Variants in FOXP1 observed in about 807,000 individuals in gnomAD.
FOXP1 encodes forkhead box protein P1.
In FOXP1, 15 loss-of-function variants were observed where a neutral mutation model predicts 98.2. The ratio of observed to expected loss-of-function variants is 0.15; its 90% CI spans 0.10 to 0.24. FOXP1 has a LOEUF of 0.24. Among genes scored for constraint, FOXP1 ranks in the 10% least tolerant of loss-of-function variants. The pLI is 1.00. For synonymous variants in FOXP1, 371 were observed against 314.5 expected, an observed-to-expected ratio of 1.18 and a Z score of -1.90; for missense variants, 633 against 848.5, an observed-to-expected ratio of 0.75 and a Z score of 3.15.
intron 20 of FOXP1, among the ~76,000 whole-genome samples, chr3:70,963,420 G>A (rs932782355): frequency 3.3e-5 from 5 of 152,170 alleles, no homozygotes; most frequent in African/African-American, 1.2e-4. Flanking sequence ...GGGATTCCAC[G>A]AAAGATACAT....
At chr3:71,088,229 A>G (rs548760609) in intron 7 of FOXP1, among the ~76,000 whole-genome samples, 1 of 152,324 alleles carries the variant, frequency 6.6e-6, no homozygotes, top group Non-Finnish European at 1.5e-5. Context: ...CGCAAGACTC[A>G]GTCCCTCACT....
chr3:71,196,463 G>C (rs2108368514), intron 6 of FOXP1, among the ~76,000 whole-genome samples: 1 of 151,840 alleles, frequency 6.6e-6, no homozygotes, highest in East Asian at 1.9e-4. Flanking sequence ...ATGATTTTTA[G>C]CTCCTCAAAA....
chr3:71,391,174 A>G (rs1484284546), intron 3 of FOXP1, among the ~76,000 whole-genome samples: 1 of 152,186 alleles, frequency 6.6e-6, no homozygotes, highest in East Asian at 1.9e-4. Context: ...CATATTTCCA[A>G]TTCTAGATTG....
intron 4 of FOXP1, among the ~76,000 whole-genome samples, chr3:71,306,631 C>CAAAA (rs66479255): frequency 7.0e-5 from 3 of 42,828 alleles, no homozygotes; most frequent in African/African-American, 2.6e-4. Context: ...GAGAATAAGC[C>CAAAA]AAAAAAAAAA....
chr3:71,128,628 T>C (rs546726610), intron 6 of FOXP1, among the ~76,000 whole-genome samples: 1 of 152,294 alleles, frequency 6.6e-6, no homozygotes, highest in Admixed American at 6.5e-5. Flanking sequence ...CATCAGAATA[T>C]AGCCTTCGAC....
At chr3:71,510,015 C>A (rs1354077502) in intron 2 of FOXP1, among the ~76,000 whole-genome samples, 2 of 152,140 alleles carry the variant, frequency 1.3e-5, no homozygotes, top group East Asian at 3.9e-4. Flanking sequence ...CCCATCTCTA[C>A]TAAAAATACA....
chr3:71,514,681 T>C (rs201940184), intron 2 of FOXP1, among the ~76,000 whole-genome samples: 2 of 152,192 alleles, frequency 1.3e-5, no homozygotes, highest in East Asian at 3.8e-4. Flanking sequence ...TTCTCCTTCA[T>C]ACAAGTTGAA....
chr3:71,303,717 A>G (rs1019268972), intron 4 of FOXP1, among the ~76,000 whole-genome samples: 10 of 152,112 alleles, frequency 6.6e-5, no homozygotes, highest in Admixed American at 2.6e-4. Flanking sequence ...GACTTCAAAT[A>G]CTGAGTAAGA....
intron 5 of FOXP1, among the ~76,000 whole-genome samples, chr3:71,227,134 C>T (rs757347178): frequency 1.3e-5 from 2 of 152,172 alleles, no homozygotes; most frequent in African/African-American, 2.4e-5. Flanking sequence ...TCAGAGCCCA[C>T]TGCAGTCCCC....
chr3:71,243,690 A>G (rs937365226), intron 5 of FOXP1, among the ~76,000 whole-genome samples: 1 of 152,244 alleles, frequency 6.6e-6, no homozygotes, highest in African/African-American at 2.4e-5. Context: ...GTTGCCAAAC[A>G]TATTTATTAT....
chr3:71,169,999 G>C (rs2061571447), intron 6 of FOXP1, among the ~76,000 whole-genome samples: 1 of 152,090 alleles, frequency 6.6e-6, no homozygotes, highest in African/African-American at 2.4e-5. Flanking sequence ...TCACGAGATA[G>C]GCCCCATTTC....
intron 7 of FOXP1, among the ~76,000 whole-genome samples, chr3:71,074,601 C>G (rs528511412): frequency 3.3e-5 from 5 of 152,076 alleles, no homozygotes; most frequent in Non-Finnish European, 5.9e-5. Flanking sequence ...CAAAACAAGG[C>G]TTCTAATCCC....
chr3:71,561,244 C>T (rs972314535), intron 2 of FOXP1, among the ~76,000 whole-genome samples: 8 of 151,894 alleles, frequency 5.3e-5, no homozygotes, highest in Admixed American at 3.3e-4. Context: ...TTAGTAGAGA[C>T]GGGATTTCAC....
chr3:71,378,357 T>C (rs141438419), intron 3 of FOXP1, among the ~76,000 whole-genome samples: 2 of 147,668 alleles, frequency 1.4e-5, no homozygotes, highest in East Asian at 1.9e-4. Flanking sequence ...CCACGGGTTG[T>C]GCTTTCCAGG....
At chr3:71,114,872 C>T (rs2058237344) in intron 6 of FOXP1, among the ~76,000 whole-genome samples, 1 of 152,128 alleles carries the variant, frequency 6.6e-6, no homozygotes, top group South Asian at 2.1e-4. Context: ...CTTGGAGACG[C>T]TCAGTACATG....
At chr3:70,976,713 T>G (rs1296263925) in intron 17 of FOXP1, among the ~76,000 whole-genome samples, 2 of 152,226 alleles carry the variant, frequency 1.3e-5, no homozygotes, top group African/African-American at 4.8e-5. Flanking sequence ...ATCACTTTAC[T>G]GGCTGGCCCC....
intron 5 of FOXP1, among the ~76,000 whole-genome samples, chr3:71,278,903 G>A (rs1467489942): frequency 6.6e-6 from 1 of 151,540 alleles, no homozygotes; most frequent in Non-Finnish European, 1.5e-5. Context: ...ATAGAAACAG[G>A]AATTGGGGCC....
At chr3:71,328,072 T>C (rs555752482) in intron 4 of FOXP1, among the ~76,000 whole-genome samples, 2 of 152,218 alleles carry the variant, frequency 1.3e-5, no homozygotes, top group South Asian at 4.2e-4. Context: ...GTGAAATTAG[T>C]AGTGTTCAAG....
At chr3:71,512,457 C>T (rs890601228) in intron 2 of FOXP1, among the ~76,000 whole-genome samples, 11 of 152,184 alleles carry the variant, frequency 7.2e-5, no homozygotes, top group African/African-American at 2.7e-4. Flanking sequence ...CCACCTATTA[C>T]CTTATTGCCT....
Sources: gnomAD v4.1 joint callset for allele counts (sites outside exome capture counted in the v4.1 genomes callset) on GRCh38, gnomAD v4.1.1 for gene constraint, MANE v1.5 for transcripts, NCBI Gene and HGNC (gene_info 2026-07-23, HGNC 2026-07-21) for gene names.